The following RAPGEF1 variants were observed in gnomAD, a reference collection of about 807,000 sequenced individuals.
RAPGEF1 encodes CRK SH3-binding GNRP.
In RAPGEF1, 33 loss-of-function variants were observed where a neutral mutation model predicts 143.3. That is an observed-to-expected ratio of 0.23 (90% CI 0.17 to 0.31). The LOEUF is 0.31. RAPGEF1 is among the 10% of genes least tolerant of loss of function. The probability of loss-of-function intolerance (pLI) is 1.00; values close to 1 mark genes in which losing one functional copy is unlikely to be tolerated. For synonymous variants in RAPGEF1, 629 were observed against 676.5 expected, an observed-to-expected ratio of 0.93 and a Z score of 1.09; for missense variants, 1,199 against 1,645.4, an observed-to-expected ratio of 0.73 and a Z score of 4.69.
At chr9:131,731,032 A>C (rs1046157044) in intron 1 of RAPGEF1, among the ~76,000 whole-genome samples, 3 of 152,212 alleles carry the variant, frequency 2.0e-5, no homozygotes, top group Admixed American at 6.5e-5. Context: ...ATCAATAAAA[A>C]TATAGATGCA....
intron 1 of RAPGEF1, among the ~76,000 whole-genome samples, chr9:131,661,023 T>C (rs1973911855): frequency 6.6e-6 from 1 of 151,946 alleles, no homozygotes; most frequent in South Asian, 2.1e-4. Context: ...CCTGAATAGA[T>C]AAAAAGAAAA....
At chr9:131,658,570 C>T (rs1193194524) in intron 1 of RAPGEF1, among the ~76,000 whole-genome samples, 1 of 152,168 alleles carries the variant, frequency 6.6e-6, no homozygotes, top group Non-Finnish European at 1.5e-5. Flanking sequence ...TATAAATTGA[C>T]TGTGATGTTA....
chr9:131,694,590 T>C (rs1233695442), intron 1 of RAPGEF1, among the ~76,000 whole-genome samples: 2 of 152,116 alleles, frequency 1.3e-5, no homozygotes, highest in Admixed American at 6.5e-5. Flanking sequence ...CTTCAATACC[T>C]ACCAGGTCCC....
At chr9:131,698,127 A>G (rs893366100) in intron 1 of RAPGEF1, among the ~76,000 whole-genome samples, 1 of 152,208 alleles carries the variant, frequency 6.6e-6, no homozygotes, top group African/African-American at 2.4e-5. Flanking sequence ...TCATAAATAC[A>G]GCTGTCCAAT....
chr9:131,637,349 G>A (rs954963385), intron 5 of RAPGEF1, among the ~76,000 whole-genome samples: 1 of 152,152 alleles, frequency 6.6e-6, no homozygotes, highest in Non-Finnish European at 1.5e-5. Flanking sequence ...CTTAAATGCT[G>A]CTGGGGTTGG....
intron 5 of RAPGEF1, 31 bp downstream of exon 5, chr9:131,638,604 G>T: frequency 6.2e-7 from 1 of 1,611,900 alleles, no homozygotes; most frequent in South Asian, 1.1e-5. Context: ...CTAAGTCCCT[G>T]ACTGGGACTG....
chr9:131,632,295 A>ATTTTTTTTTT (rs55684326), intron 5 of RAPGEF1, among the ~76,000 whole-genome samples: 1 of 136,102 alleles, frequency 7.3e-6, no homozygotes, highest in African/African-American at 2.8e-5. Context: ...CACCCGGCTA[A>ATTTTTTTTTT]TTTTTTTTTT....
Position 131,653,387 on chromosome 9 carries a change from C to T in RAPGEF1, c.62-2438G>A, listed in dbSNP as rs138175961. On this transcript the variant is annotated intron_variant, in intron 1 of 26. Coordinates refer to ENST00000683357, the MANE Select transcript of RAPGEF1 (RefSeq NM_001377935.1). ...GAATCAGCAGAGGCTGCAGAACCCA[C>T]GGATATGGAGGGTCAGCTATACCTG... Among the ~76,000 whole-genome samples, 61 of 152,258 alleles carry T rather than the reference C, an allele frequency of 4.0e-4. 1 individual carries two copies. In the South Asian group the frequency reaches 8.3e-3, roughly 21 times the overall value.
intron 1 of RAPGEF1, among the ~76,000 whole-genome samples, chr9:131,721,632 C>T (rs1564202411): frequency 6.6e-6 from 1 of 152,080 alleles, no homozygotes; most frequent in Non-Finnish European, 1.5e-5. Context: ...ACTGTATCTC[C>T]CTGATTCTAA....
intron 1 of RAPGEF1, among the ~76,000 whole-genome samples, chr9:131,681,734 C>T (rs1407376544): frequency 6.6e-6 from 1 of 152,120 alleles, no homozygotes; most frequent in African/African-American, 2.4e-5. Context: ...AGATGCACAA[C>T]TCATCATGCC....
At chr9:131,722,301 T>C (rs763135214) in intron 1 of RAPGEF1, among the ~76,000 whole-genome samples, 8 of 152,220 alleles carry the variant, frequency 5.3e-5, no homozygotes, top group Non-Finnish European at 7.3e-5. Context: ...TGCTTTTGCC[T>C]AGATCGTCCT....
intron 12 of RAPGEF1, among the ~76,000 whole-genome samples, chr9:131,613,917 C>T (rs1958450249): frequency 6.6e-6 from 1 of 152,192 alleles, no homozygotes; most frequent in Non-Finnish European, 1.5e-5. Flanking sequence ...GCTGCTAAAC[C>T]CCCAAGAATG....
intron 1 of RAPGEF1, among the ~76,000 whole-genome samples, chr9:131,658,404 A>G (rs1465963105): frequency 6.6e-6 from 1 of 152,216 alleles, no homozygotes; most frequent in Non-Finnish European, 1.5e-5. Flanking sequence ...CTAATCTGTG[A>G]GAGCAACTTC....
intron 1 of RAPGEF1, among the ~76,000 whole-genome samples, chr9:131,730,097 G>C (rs1836935271): frequency 6.6e-6 from 1 of 150,840 alleles, no homozygotes; most frequent in African/African-American, 2.4e-5. Context: ...AGGAGGCTGA[G>C]GCAGGAGAAT....
rs761326817 is a variant in RAPGEF1 at position 131,584,255 on chromosome 9, G to A, written c.3414+56C>T. The A allele has an allele frequency of 4.2e-5, 62 of 1,478,482 alleles. No individual in the cohort carries two copies. Among genetic ancestry groups the A allele is most frequent in the Non-Finnish European group, 5.7e-5 (61 of 1,078,098 alleles). The allele number at this position is 1,478,482 out of a possible 1,614,324, so 91.6% of individuals were successfully genotyped here. On this transcript the variant is annotated intron_variant, in intron 24 of 26. Coordinates refer to ENST00000683357, the MANE Select transcript of RAPGEF1 (RefSeq NM_001377935.1). The surrounding 1 kb of genome is among the most constrained non-coding windows in gnomAD (Gnocchi z 6.8). ...TTTCTGCCACAGCTAGTCGCCTGAG[G>A]GCTGGGCGGCCCCCCTTACCAGCCA...
rs138038462 is a variant in RAPGEF1, at chr9:131,607,815, A to T, written c.2062-2627T>A. ...TAGCCTCATCGGCGCCCCCGTGTAA[A>T]GTCACTTTGTGCTTCCACGTGCCCT... On this transcript the variant is annotated intron_variant, in intron 12 of 26. Transcript: ENST00000683357. 1.5e-3 allele frequency among the ~76,000 whole-genome samples: 227 copies of T among 152,304 alleles called. 1 individual carries two copies. Among genetic ancestry groups the T allele is most frequent in the African/African-American group, 5.4e-3 (225 of 41,546 alleles).
chr9:131,580,712 A>T (rs1191118425), intron 25 of RAPGEF1, among the ~76,000 whole-genome samples: 2 of 152,146 alleles, frequency 1.3e-5, no homozygotes, highest in Non-Finnish European at 2.9e-5. Flanking sequence ...AGTAAAAAAA[A>T]AAAATAACAA....
At chr9:131,673,846 G>C (rs537402768) in intron 1 of RAPGEF1, among the ~76,000 whole-genome samples, 34 of 152,298 alleles carry the variant, frequency 2.2e-4, no homozygotes, top group Non-Finnish European at 4.1e-4. Context: ...TGTACTCATC[G>C]TGGCCTCTGT....
intron 1 of RAPGEF1, among the ~76,000 whole-genome samples, chr9:131,710,977 A>G (rs1835463637): frequency 6.6e-6 from 1 of 152,152 alleles, no homozygotes; most frequent in African/African-American, 2.4e-5. Flanking sequence ...TGTAATAAGA[A>G]TCAAACAAAA....
Sources: gnomAD v4.1 joint callset for allele counts (sites outside exome capture counted in the v4.1 genomes callset) on GRCh38, gnomAD v4.1.1 for gene constraint, Gnocchi (gnomAD v3.1) non-coding constraint, MANE v1.5 for transcripts, NCBI Gene and HGNC (gene_info 2026-07-23, HGNC 2026-07-21) for gene names.